Variants in KCNC1 observed in about 807,000 individuals in gnomAD.
The protein encoded by KCNC1 is voltage-gated potassium channel KCNC1.
In KCNC1, 8 loss-of-function variants were observed where a neutral mutation model predicts 43.4. The observed-to-expected ratio is 0.18, with a 90% CI of 0.11 to 0.33. The LOEUF (loss-of-function observed/expected upper bound fraction) is 0.33. Ranked by LOEUF, KCNC1 falls within the 10% of genes least tolerant of loss-of-function variation. The pLI is 1.00. For missense variants in KCNC1, 420 were observed against 836.0 expected, an observed-to-expected ratio of 0.50 and a Z score of 6.14; for synonymous variants, 361 against 360.5, an observed-to-expected ratio of 1.00 and a Z score of -0.01.
chr11:17,738,806 G>A (rs941400256), intron 1 of KCNC1, among the ~76,000 whole-genome samples: 3 of 152,204 alleles, frequency 2.0e-5, no homozygotes, highest in Non-Finnish European at 2.9e-5. Context: ...CCCGGTGGTC[G>A]GGGTGAGGCG....
intron 1 of KCNC1, among the ~76,000 whole-genome samples, chr11:17,749,676 G>T (rs1159480370): frequency 1.3e-5 from 2 of 152,228 alleles, no homozygotes; most frequent in African/African-American, 4.8e-5. Flanking sequence ...CTGGAGCCCT[G>T]GGCTAAGGGG....
chr11:17,779,354 C>T lies in KCNC1; in HGVS notation c.1505-102C>T, dbSNP rs148981328. 4.0e-6 allele frequency: 4 copies of T among 1,002,922 alleles called. No homozygotes were observed. Among genetic ancestry groups the T allele is most frequent in the African/African-American group, 1.7e-5 (1 of 60,304 alleles). 62.1% of individuals were successfully genotyped at this position (1,002,922 alleles called of 1,614,324 possible). A position where few individuals can be genotyped will look rare whatever the true frequency, so the allele number is the denominator to read the frequency against. ...GCCCGCTTTTCCGTCCTCAGGGACG[C>T]TCAAGCTGCCCTCTGCCAATACCCC... On this transcript the variant is annotated intron_variant, in intron 2 of 3. Transcript: ENST00000265969. The surrounding 1 kb of genome is among the most constrained non-coding windows in gnomAD (Gnocchi z 7.2).
intron 1 of KCNC1, among the ~76,000 whole-genome samples, chr11:17,746,722 T>TC (rs1565155762): frequency 2.0e-5 from 3 of 152,080 alleles, no homozygotes; most frequent in Non-Finnish European, 4.4e-5. Context: ...GCTTTGCATC[T>TC]CCCCACTCCC....
rs1849300093 is a variant in KCNC1, at chr11:17,777,542, A to C, written c.1505-1914A>C. 4 of 985,878 alleles carry C rather than the reference A, an allele frequency of 4.1e-6. No individual in the cohort carries two copies. The East Asian group carries it at 4.6e-4, about 112-fold the overall frequency. 61.1% of individuals were successfully genotyped at this position (985,878 alleles called of 1,614,324 possible). On this transcript the variant is annotated intron_variant, in intron 2 of 3. Coordinates refer to ENST00000265969, the MANE Select transcript of KCNC1 (RefSeq NM_001112741.2). The surrounding 1 kb of genome is among the most constrained non-coding windows in gnomAD (Gnocchi z 4.3). ...GGAAGACTGGGCCAGCCAGAGTGGGAGGCAGGACCAGCGTGTCTGCGAGCA... is the reference window on the plus strand; with the variant it reads ...GGAAGACTGGGCCAGCCAGAGTGGGCGGCAGGACCAGCGTGTCTGCGAGCA...
At chr11:17,778,709 G>T (rs1298949683) in intron 2 of KCNC1, among the ~76,000 whole-genome samples, 1 of 152,186 alleles carries the variant, frequency 6.6e-6, no homozygotes, top group Non-Finnish European at 1.5e-5. Flanking sequence ...TGGTCTGTAT[G>T]GGGGGTCGGG....
In KCNC1 at chr11:17,773,287, C is replaced by T. The variant is rs1315061096; in HGVS notation, c.1504+689C>T. On this transcript the variant is annotated intron_variant, in intron 2 of 3. Transcript: ENST00000265969. This position sits in a 1 kb window ranked among gnomAD's most constrained non-coding sequence, Gnocchi z 4.1. ...TTCTACCACCACTCTAGAGTTTAGCCTTTATCTTTAGGAACCTGTTGAAGT... is the reference window on the plus strand; with the variant it reads ...TTCTACCACCACTCTAGAGTTTAGCTTTTATCTTTAGGAACCTGTTGAAGT... 7 of 985,298 alleles carry T rather than the reference C, an allele frequency of 7.1e-6. No individual in the cohort carries two copies. Among genetic ancestry groups the T allele is most frequent in the Non-Finnish European group, 8.4e-6 (7 of 829,964 alleles). The allele number at this position is 985,298 out of a possible 1,614,324, so 61.0% of individuals were successfully genotyped here.
chr11:17,777,482 A>G lies in KCNC1; in HGVS notation c.1505-1974A>G. ...CCATACTGTTTCCCTCCCCTCTCCC[A>G]ACACCCTCCTCCCTCAGCCCGGAGA... On this transcript the variant is annotated intron_variant, in intron 2 of 3. Coordinates refer to ENST00000265969, the MANE Select transcript of KCNC1 (RefSeq NM_001112741.2). This position sits in a 1 kb window ranked among gnomAD's most constrained non-coding sequence, Gnocchi z 4.3. 4.1e-6 allele frequency: 4 copies of G among 985,774 alleles called. No individual in the cohort carries two copies. The highest frequency in any genetic ancestry group is 4.8e-6 in the Non-Finnish European group (4 of 829,972). 61.1% of individuals were successfully genotyped at this position (985,774 alleles called of 1,614,324 possible).
In KCNC1 at chr11:17,779,138, G is replaced by A. The variant is rs1344766203; in HGVS notation, c.1505-318G>A. The A allele has an allele frequency of 2.1e-5, 5 of 241,940 alleles. No individual in the cohort carries two copies. The highest frequency in any genetic ancestry group is 2.2e-4 in the South Asian group (2 of 9,116). The allele number at this position is 241,940 out of a possible 1,614,324, so 15.0% of individuals were successfully genotyped here. On this transcript the variant is annotated intron_variant, in intron 2 of 3. Transcript: ENST00000265969. The surrounding 1 kb of genome is among the most constrained non-coding windows in gnomAD (Gnocchi z 7.2). ...TGCATCCACACCATCCTGTTTCATCGGCCCTGCTTGGGGCCCGGGGCCGGC... is the reference window on the plus strand; with the variant it reads ...TGCATCCACACCATCCTGTTTCATCAGCCCTGCTTGGGGCCCGGGGCCGGC...
chr11:17,769,906 C>T (rs923394277), intron 1 of KCNC1, among the ~76,000 whole-genome samples: 3 of 152,154 alleles, frequency 2.0e-5, no homozygotes, highest in Non-Finnish European at 2.9e-5. Context: ...GCTCCCCGTT[C>T]GTAGCATGTG....
At chr11:17,749,753 A>G (rs1848944192) in intron 1 of KCNC1, among the ~76,000 whole-genome samples, 4 of 152,158 alleles carry the variant, frequency 2.6e-5, no homozygotes, top group Admixed American at 2.6e-4. Context: ...CTATGCAGTG[A>G]GCTCCCTGCA....
At position 17,735,741 on chromosome 11, in the gene KCNC1, G is replaced by C; in HGVS notation, c.-262G>C. The C allele has an allele frequency of 4.5e-6, 1 of 224,338 alleles. No individual in the cohort carries two copies. Among genetic ancestry groups the C allele is most frequent in the Non-Finnish European group, 8.3e-6 (1 of 120,544 alleles). 13.9% of individuals were successfully genotyped at this position (224,338 alleles called of 1,614,324 possible). A position where few individuals can be genotyped will look rare whatever the true frequency, so the allele number is the denominator to read the frequency against. Reference sequence around the variant, plus strand: ...CCTTCTTTCCTCCTCTGCCTCCTCCGCTGCCGGACCAGCTCCCTCCCACAT... The same window carrying C: ...CCTTCTTTCCTCCTCTGCCTCCTCCCCTGCCGGACCAGCTCCCTCCCACAT... On this transcript the variant is annotated 5_prime_UTR_variant, in exon 1 of 4. Coordinates refer to ENST00000265969, the MANE Select transcript of KCNC1 (RefSeq NM_001112741.2). The surrounding 1 kb of genome is among the most constrained non-coding windows in gnomAD (Gnocchi z 6.7).
intron 1 of KCNC1, among the ~76,000 whole-genome samples, chr11:17,759,675 G>C (rs10766434): frequency 0.53 from 79,968 of 151,968 alleles, 23,240 homozygotes; most frequent in East Asian, 0.88. Context: ...AGGAGAGAGA[G>C]AGATGGGAGA....
At position 17,761,598 on chromosome 11, in the gene KCNC1, G is replaced by A. The variant is rs1035342225; in HGVS notation, c.571-10067G>A. Among the ~76,000 whole-genome samples the A allele has an allele frequency of 6.6e-5, 10 of 152,182 alleles. No homozygotes were observed. The East Asian group carries it at 9.6e-4, about 15-fold the overall frequency. On this transcript the variant is annotated intron_variant, in intron 1 of 3. Transcript: ENST00000265969. ...GGCCATAGGCATATGGTTCGTGGCC[G>A]AGCTGGGATTCAAACTCAGGTCTCT... is the stretch of plus-strand genomic sequence containing the variant.
rs1849350293 is a variant in KCNC1, at chr11:17,781,944, T to C, written c.*210T>C. ...ATTTCTTTTCCTTCTTTTCATTTTT[T>C]AAAATTTTATTTTATTTGGGGAGGG... On this transcript the variant is annotated 3_prime_UTR_variant, in exon 4 of 4. Transcript: ENST00000265969. This position sits in a 1 kb window ranked among gnomAD's most constrained non-coding sequence, Gnocchi z 5.1. 6.5e-6 allele frequency: 3 copies of C among 463,180 alleles called. No homozygotes were observed. 28.7% of individuals were successfully genotyped at this position (463,180 alleles called of 1,614,324 possible).
At chr11:17,752,543 C>A (rs1429426543) in intron 1 of KCNC1, among the ~76,000 whole-genome samples, 2 of 152,252 alleles carry the variant, frequency 1.3e-5, no homozygotes, top group Non-Finnish European at 2.9e-5. Context: ...TGGCCTTGCA[C>A]ACACATGAAT....
rs747203146 is a variant in KCNC1 at position 17,781,318 on chromosome 11, G to A, written c.1694-352G>A. Reference sequence around the variant, plus strand: ...TTAGGTGCCAGAGTCTTTGGGAGGCGCTAAGGGTGAAGTGTCCCCACCTAC... The same window carrying A: ...TTAGGTGCCAGAGTCTTTGGGAGGCACTAAGGGTGAAGTGTCCCCACCTAC... On this transcript the variant is annotated intron_variant, in intron 3 of 3. Transcript: ENST00000265969. The surrounding 1 kb of genome is among the most constrained non-coding windows in gnomAD (Gnocchi z 5.1). 51 of 236,368 alleles carry A rather than the reference G, an allele frequency of 2.2e-4. No individual in the cohort carries two copies. Among genetic ancestry groups the A allele is most frequent in the Admixed American group, 1.1e-4 (2 of 18,186 alleles). 14.6% of individuals were successfully genotyped at this position (236,368 alleles called of 1,614,324 possible).
chr11:17,775,051 A>T (rs953271522), intron 2 of KCNC1: 23 of 985,296 alleles, frequency 2.3e-5, no homozygotes, highest in Non-Finnish European at 2.8e-5. Context: ...CTAGATGGGC[A>T]TAGGGTTGGG....
intron 1 of KCNC1, among the ~76,000 whole-genome samples, chr11:17,758,947 G>A (rs1460640967): frequency 6.6e-6 from 1 of 152,224 alleles, no homozygotes; most frequent in Non-Finnish European, 1.5e-5. Flanking sequence ...GAGTCAGCCT[G>A]TCCTTTGAAG....
intron 1 of KCNC1, among the ~76,000 whole-genome samples, chr11:17,761,411 C>T (rs571787731): frequency 5.9e-5 from 9 of 152,372 alleles, no homozygotes; most frequent in East Asian, 5.8e-4. Context: ...GGCCAGCTCC[C>T]GGAATGCCAG....
Sources: gnomAD v4.1 joint callset for allele counts (sites outside exome capture counted in the v4.1 genomes callset) on GRCh38, gnomAD v4.1.1 for gene constraint, Gnocchi (gnomAD v3.1) non-coding constraint, MANE v1.5 for transcripts, NCBI Gene and HGNC (gene_info 2026-07-23, HGNC 2026-07-21) for gene names.